The following DSCAM variants were observed in gnomAD, a reference collection of about 807,000 sequenced individuals.
The protein encoded by DSCAM is cell adhesion molecule DSCAM.
In DSCAM, 47 loss-of-function variants were observed where a neutral mutation model predicts 217.7. The ratio of observed to expected loss-of-function variants is 0.22; its 90% CI spans 0.17 to 0.28. DSCAM has a LOEUF of 0.28. Ranked by LOEUF, DSCAM falls within the 10% of genes least tolerant of loss-of-function variation. The pLI, the probability that DSCAM is intolerant of heterozygous loss-of-function variation, is 1.00. For synonymous variants in DSCAM, 1,056 were observed against 1,015.3 expected, an observed-to-expected ratio of 1.04 and a Z score of -0.76; for missense variants, 2,080 against 2,618.3, an observed-to-expected ratio of 0.79 and a Z score of 4.49.
intron 19 of DSCAM, among the ~76,000 whole-genome samples, chr21:40,126,484 A>G (rs1328554067): frequency 1.3e-5 from 2 of 152,110 alleles, no homozygotes; most frequent in African/African-American, 2.4e-5. Context: ...CTTACTTGAG[A>G]CACCAGTTGA....
chr21:40,363,419 A>G (rs2074790862), intron 4 of DSCAM, among the ~76,000 whole-genome samples: 1 of 151,612 alleles, frequency 6.6e-6, no homozygotes, highest in South Asian at 2.1e-4. Flanking sequence ...TACCTGGGTA[A>G]TTTTTGTATT....
chr21:40,013,108 G>A lies in DSCAM; in HGVS notation c.5965C>T (p.Gln1989Ter). The stretch of plus-strand genomic sequence containing the variant: ...CCCCGGGAGTCGAGCAGTGATTCTT[G>A]GGAGCTGCTCATTTTAGCTGCCTGT... The part of the protein sequence containing the change: ...LGQAAKMSSS[Q>*]ESLLDSRGHL... The change falls in exon 33 of 33, where the codon CAA becomes TAA. Residue 1989 changes from glutamine (Q) to a stop codon, truncating the protein, a stop_gained. Transcript: ENST00000400454. LOFTEE classifies it high-confidence loss of function. The A allele has an allele frequency of 6.2e-7, 1 of 1,605,414 alleles. No individual in the cohort carries two copies. The highest frequency in any genetic ancestry group is 8.5e-7 in the Non-Finnish European group (1 of 1,174,744).
intron 3 of DSCAM, among the ~76,000 whole-genome samples, chr21:40,666,440 G>A (rs1247427466): frequency 3.9e-5 from 6 of 152,176 alleles, no homozygotes; most frequent in African/African-American, 4.8e-5. Flanking sequence ...TTGGGTTCCA[G>A]GTGGTCCCAT....
intron 6 of DSCAM, among the ~76,000 whole-genome samples, chr21:40,341,126 C>T (rs1443433627): frequency 6.6e-6 from 1 of 152,108 alleles, no homozygotes; most frequent in Non-Finnish European, 1.5e-5. Context: ...AGCATTTTGT[C>T]TCTTACTATC....
chr21:40,776,038 C>T (rs1202795222), intron 1 of DSCAM, among the ~76,000 whole-genome samples: 1 of 152,094 alleles, frequency 6.6e-6, no homozygotes, highest in Non-Finnish European at 1.5e-5. Flanking sequence ...CTGTTCCTAA[C>T]TGTTATGCTC....
intron 3 of DSCAM, among the ~76,000 whole-genome samples, chr21:40,582,495 A>G (rs988375739): frequency 2.3e-4 from 35 of 152,214 alleles, no homozygotes; most frequent in African/African-American, 8.2e-4. Flanking sequence ...ATGTATTATA[A>G]ATATATACAC....
At chr21:40,425,439 C>T (rs541009838) in intron 3 of DSCAM, among the ~76,000 whole-genome samples, 10 of 151,870 alleles carry the variant, frequency 6.6e-5, no homozygotes, top group African/African-American at 1.9e-4. Context: ...ACCAACCTGG[C>T]GCATGTATAC....
intron 3 of DSCAM, among the ~76,000 whole-genome samples, chr21:40,684,589 C>T (rs548823773): frequency 6.6e-6 from 1 of 152,222 alleles, no homozygotes; most frequent in Non-Finnish European, 1.5e-5. Flanking sequence ...CTCTGCTCGA[C>T]AATACCTTGA....
chr21:40,194,383 A>G (rs1347575118), intron 11 of DSCAM, among the ~76,000 whole-genome samples: 1 of 152,192 alleles, frequency 6.6e-6, no homozygotes, highest in African/African-American at 2.4e-5. Context: ...ACAGTTATGG[A>G]TGCCTAGAGA....
At chr21:40,528,100 T>C (rs2076414291) in intron 3 of DSCAM, among the ~76,000 whole-genome samples, 1 of 152,206 alleles carries the variant, frequency 6.6e-6, no homozygotes, top group South Asian at 2.1e-4. Flanking sequence ...ATTTCTACCA[T>C]GTTCTGATGA....
At position 40,633,882 on chromosome 21, in the gene DSCAM, T is replaced by C. The variant is rs144149914; in HGVS notation, c.508+58928A>G. On this transcript the variant is annotated intron_variant, in intron 3 of 32. Transcript: ENST00000400454. ...CTTTTCCCAAAGGGAGGCAGTCTCCTATTAGATTGGGAAGCCTCCCAGGGA... is the reference window on the plus strand; with the variant it reads ...CTTTTCCCAAAGGGAGGCAGTCTCCCATTAGATTGGGAAGCCTCCCAGGGA... 3.4e-3 allele frequency among the ~76,000 whole-genome samples: 512 copies of C among 152,270 alleles called. 3 individuals are homozygous for C. Among genetic ancestry groups the C allele is most frequent in the African/African-American group, 0.011 (471 of 41,556 alleles).
At chr21:40,326,951 A>T (rs1359458804) in intron 8 of DSCAM, among the ~76,000 whole-genome samples, 1 of 149,758 alleles carries the variant, frequency 6.7e-6, no homozygotes, top group African/African-American at 2.4e-5. Context: ...TGTGTTTTAT[A>T]TTTATATATC....
intron 8 of DSCAM, among the ~76,000 whole-genome samples, chr21:40,323,432 A>G (rs2074282079): frequency 6.6e-6 from 1 of 152,236 alleles, no homozygotes; most frequent in Non-Finnish European, 1.5e-5. Flanking sequence ...GAAGAGAATT[A>G]GTGCTGAGTT....
Position 40,187,786 on chromosome 21 carries a change from G to T in DSCAM, c.2650+105C>A, listed in dbSNP as rs374741878. Reference sequence around the variant, plus strand: ...ATATTCAAAATTTCCTGGGAATTAGGAAGTGTTACATGGCAAGTTGAGGAC... The same window carrying T: ...ATATTCAAAATTTCCTGGGAATTAGTAAGTGTTACATGGCAAGTTGAGGAC... On this transcript the variant is annotated intron_variant, in intron 13 of 32. Coordinates refer to ENST00000400454, the MANE Select transcript of DSCAM (RefSeq NM_001389.5). 28 of 1,003,734 alleles carry T rather than the reference G, an allele frequency of 2.8e-5. No individual in the cohort carries two copies. In the Admixed American group the frequency reaches 3.1e-4, roughly 11 times the overall value. 62.2% of individuals were successfully genotyped at this position (1,003,734 alleles called of 1,614,324 possible).
At chr21:40,041,881 T>C (rs772934780) in intron 32 of DSCAM, among the ~76,000 whole-genome samples, 6 of 152,184 alleles carry the variant, frequency 3.9e-5, no homozygotes, top group Non-Finnish European at 8.8e-5. Flanking sequence ...GGGGGCCTCT[T>C]TCTCTGGAAT....
chr21:40,218,709 C>T (rs1161536222), intron 11 of DSCAM, among the ~76,000 whole-genome samples: 1 of 151,950 alleles, frequency 6.6e-6, no homozygotes, highest in Non-Finnish European at 1.5e-5. Context: ...TCTTTCACCT[C>T]CCTGGTTAGC....
chr21:40,786,132 A>T (rs1192539542), intron 1 of DSCAM, among the ~76,000 whole-genome samples: 1 of 152,146 alleles, frequency 6.6e-6, no homozygotes, highest in African/African-American at 2.4e-5. Context: ...GCTACTTGGG[A>T]GGCTGAGGCA....
chr21:40,147,680 T>C (rs2090373745), intron 16 of DSCAM, among the ~76,000 whole-genome samples: 1 of 151,332 alleles, frequency 6.6e-6, no homozygotes, highest in Non-Finnish European at 1.5e-5. Context: ...TTATCTAAAG[T>C]AAAGTGTTTT....
chr21:40,623,046 C>T (rs1321493115), intron 3 of DSCAM, among the ~76,000 whole-genome samples: 1 of 152,108 alleles, frequency 6.6e-6, no homozygotes, highest in Non-Finnish European at 1.5e-5. Context: ...GCTGCCGCTA[C>T]CCACAAATTG....
Sources: gnomAD v4.1 joint callset for allele counts (sites outside exome capture counted in the v4.1 genomes callset) on GRCh38, gnomAD v4.1.1 for gene constraint, MANE v1.5 for transcripts, NCBI Gene and HGNC (gene_info 2026-07-23, HGNC 2026-07-21) for gene names.